ERGIC3: variants seen among roughly 807,000 people sequenced by gnomAD.
The protein encoded by ERGIC3 is ERGIC and golgi 3, also known as endoplasmic reticulum-Golgi intermediate compartment protein 3.
Under a neutral mutation model 54.7 loss-of-function variants are expected in ERGIC3, and 33 were observed. The observed-to-expected ratio is 0.60, with a 90% confidence interval of 0.46 to 0.81. ERGIC3 has a LOEUF of 0.81. Among genes scored for constraint, ERGIC3 ranks in the 30% least tolerant of loss-of-function variants. The pLI, the probability that ERGIC3 is intolerant of heterozygous loss-of-function variation, is 0.00. For missense variants in ERGIC3, 399 were observed against 488.4 expected, an observed-to-expected ratio of 0.82 and a Z score of 1.73; for synonymous variants, 186 against 189.8, an observed-to-expected ratio of 0.98 and a Z score of 0.16.
chr20:35,542,356 T>C lies in ERGIC3; in HGVS notation c.122T>C (p.Leu41Pro). 6.2e-7 allele frequency: 1 copy of C among 1,613,854 alleles called. No individual in the cohort carries two copies. Among genetic ancestry groups the C allele is most frequent in the Non-Finnish European group, 8.5e-7 (1 of 1,179,984 alleles). Residue 41 changes from leucine to proline, a missense_variant, in exon 2 of 13, where the codon CTG (leucine) becomes CCG (proline). Leu to Pro is a moderately conservative substitution (Grantham distance 98). Transcript: ENST00000348547. The part of the protein sequence containing the change: ...TIVSGLLMLL[L>P]FLSELQYYLT... Reference sequence around the variant, plus strand: ...GTCAGTGGCCTTCTCATGCTGCTACTGTTCCTGTCCGAGCTGCAGTATTAC... The same window carrying C: ...GTCAGTGGCCTTCTCATGCTGCTACCGTTCCTGTCCGAGCTGCAGTATTAC...
In ERGIC3 at chr20:35,557,622, GA is replaced by G; in HGVS notation, c.*119del. 1.2e-6 allele frequency: 1 copy of G among 824,286 alleles called. No individual in the cohort carries two copies. Among genetic ancestry groups the G allele is most frequent in the South Asian group, 1.5e-5 (1 of 65,318 alleles). The allele number at this position is 824,286 out of a possible 1,614,324, so 51.1% of individuals were successfully genotyped here. ...CCCCAGGTTGATAAATCTATTGATTGATTGTGATAGTACTCACTGGTCTCCG... is the reference window on the plus strand; with the variant it reads ...CCCCAGGTTGATAAATCTATTGATTGTTGTGATAGTACTCACTGGTCTCCG... On this transcript the variant is annotated 3_prime_UTR_variant, in exon 13 of 13. Transcript: ENST00000348547.
At position 35,548,501 on chromosome 20, in the gene ERGIC3, C is replaced by G. The variant is rs1568870134; in HGVS notation, c.462-8C>G. On this transcript the variant is annotated splice_region_variant and splice_polypyrimidine_tract_variant and intron_variant, in intron 5 of 12. Transcript: ENST00000348547. ...TTAACACTCTCACCGTCACTCCCTG[C>G]CCTACAGGTGCTGTAACACCTGTGA... 1 of 1,613,690 alleles carries G rather than the reference C, an allele frequency of 6.2e-7. No homozygotes were observed. The highest frequency in any genetic ancestry group is 2.2e-5 in the East Asian group (1 of 44,866).
intron 5 of ERGIC3, 39 bp downstream of exon 5, chr20:35,547,544 C>A (rs766502291): frequency 6.3e-7 from 1 of 1,581,420 alleles, no homozygotes; most frequent in Non-Finnish European, 8.7e-7. Flanking sequence ...TCCCATCAGG[C>A]GCCATCTGTC....
chr20:35,557,135 T>C, intron 11 of ERGIC3, 26 bp downstream of exon 11: 1 of 1,614,168 alleles, frequency 6.2e-7, no homozygotes, highest in Middle Eastern at 1.6e-4. Flanking sequence ...AAGCGGCCTC[T>C]GGGGGCCTGG....
At chr20:35,542,472 G>A in intron 2 of ERGIC3, 41 bp from the exon 3 acceptor site, 11 of 1,613,912 alleles carry the variant, frequency 6.8e-6, no homozygotes, top group Non-Finnish European at 9.3e-6. Flanking sequence ...TGGGGAAGGA[G>A]AGGTTTGGGG....
intron 7 of ERGIC3, chr20:35,549,411 AT>A (rs1341952346): frequency 2.8e-6 from 1 of 358,784 alleles, no homozygotes; most frequent in East Asian, 7.6e-5. Context: ...AACAAATGAG[AT>A]TTATTCTCAT....
intron 5 of ERGIC3, among the ~76,000 whole-genome samples, chr20:35,548,193 A>T (rs1207317315): frequency 6.6e-6 from 1 of 152,148 alleles, no homozygotes; most frequent in African/African-American, 2.4e-5. Flanking sequence ...TCACAGTCCT[A>T]GTCTGGGCAC....
intron 4 of ERGIC3, 42 bp from the exon 5 acceptor site, chr20:35,547,370 G>T: frequency 6.5e-7 from 1 of 1,528,272 alleles, no homozygotes; most frequent in African/African-American, 1.4e-5. Flanking sequence ...ATTTCACTGT[G>T]TCTGGCCCCA....
rs749726701 is a variant in ERGIC3, at chr20:35,542,134, T to C, written c.37T>C (p.Tyr13His). Residue 13 changes from tyrosine (Y) to histidine (H), a missense_variant, in exon 1 of 13, where the codon TAC (tyrosine) becomes CAC (histidine). Tyr to His is a moderately conservative substitution (Grantham distance 83, BLOSUM62 2). Transcript: ENST00000348547. ...ALGKLKQFDA[Y>H]PKTLEDFRVK... ...GGGGAAGCTGAAGCAGTTCGATGCC[T>C]ACCCCAAGACTTTGGAGGACTTCCG... The C allele has an allele frequency of 2.9e-5, 46 of 1,569,022 alleles. No homozygotes were observed. The highest frequency in any genetic ancestry group is 3.7e-5 in the Non-Finnish European group (43 of 1,158,180).
intron 7 of ERGIC3, among the ~76,000 whole-genome samples, chr20:35,552,820 G>A (rs938301735): frequency 2.0e-5 from 3 of 152,076 alleles, no homozygotes; most frequent in African/African-American, 7.2e-5. Flanking sequence ...CAGGAACTGG[G>A]AGGCCCGGGT....
At chr20:35,543,031 A>G (rs934365060) in intron 4 of ERGIC3, 90 bp downstream of exon 4, 4 of 1,586,048 alleles carry the variant, frequency 2.5e-6, no homozygotes, top group Non-Finnish European at 3.4e-6. Flanking sequence ...AGGCATAGTG[A>G]TACATTAAAC....
chr20:35,551,951 G>C (rs1469469153), intron 7 of ERGIC3, among the ~76,000 whole-genome samples: 1 of 152,172 alleles, frequency 6.6e-6, no homozygotes, highest in Non-Finnish European at 1.5e-5. Context: ...ATGTGGAGTC[G>C]AGGGAGGCTT....
At chr20:35,543,088 T>A in intron 4 of ERGIC3, 147 bp downstream of exon 4, 1 of 1,165,132 alleles carries the variant, frequency 8.6e-7, no homozygotes, top group Non-Finnish European at 1.2e-6. Context: ...GTCCCCCAGC[T>A]AGTAAGAGTC....
chr20:35,552,260 GGA>G (rs1356328162), intron 7 of ERGIC3, among the ~76,000 whole-genome samples: 2 of 152,170 alleles, frequency 1.3e-5, no homozygotes, highest in Admixed American at 6.5e-5. Flanking sequence ...TTGAGAATGA[GGA>G]GAGAGGGAAG....
At chr20:35,544,045 TC>T (rs2064633402) in intron 4 of ERGIC3, 1 of 221,554 alleles carries the variant, frequency 4.5e-6, no homozygotes, top group African/African-American at 2.3e-5. Context: ...TATCTATCTA[TC>T]TATCTATCTA....
chr20:35,545,722 C>T (rs185001585), intron 4 of ERGIC3, among the ~76,000 whole-genome samples: 1 of 152,232 alleles, frequency 6.6e-6, no homozygotes, highest in Admixed American at 6.5e-5. Context: ...AAGTGGGGAT[C>T]ATTGAGGACA....
chr20:35,557,121 G>C lies in ERGIC3; in HGVS notation c.1016+12G>C. The C allele has an allele frequency of 6.2e-7, 1 of 1,614,232 alleles. No individual in the cohort carries two copies. Among genetic ancestry groups the C allele is most frequent in the Non-Finnish European group, 8.5e-7 (1 of 1,180,024 alleles). ...ACGGAGAAGCACAGGTGAGGATGGG[G>C]GCAAAGCGGCCTCTGGGGGCCTGGG... On this transcript the variant is annotated intron_variant, in intron 11 of 12. Coordinates refer to ENST00000348547, the MANE Select transcript of ERGIC3 (RefSeq NM_015966.3).
chr20:35,556,304 G>C (rs1194802436), intron 10 of ERGIC3, 33 bp downstream of exon 10: 2 of 1,610,858 alleles, frequency 1.2e-6, no homozygotes, highest in Non-Finnish European at 1.7e-6. Context: ...AGAGTCTCCT[G>C]CGCGGTGCCA....
intron 4 of ERGIC3, among the ~76,000 whole-genome samples, chr20:35,546,792 T>A (rs1336155908): frequency 6.6e-6 from 1 of 152,126 alleles, no homozygotes; most frequent in Non-Finnish European, 1.5e-5. Context: ...CACTTGAAGT[T>A]GAATTTTGGA....
Sources: gnomAD v4.1 joint callset for allele counts (sites outside exome capture counted in the v4.1 genomes callset) on GRCh38, gnomAD v4.1.1 for gene constraint, MANE v1.5 for transcripts, NCBI Gene and HGNC (gene_info 2026-07-23, HGNC 2026-07-21) for gene names.